Variants in CDH18 observed in about 807,000 individuals in gnomAD.
CDH18 encodes cadherin 18.
CDH18 carries 31 observed loss-of-function variants against 67.9 expected under a neutral mutation model. The ratio of observed to expected loss-of-function variants is 0.46; its 90% CI spans 0.34 to 0.62. The LOEUF (loss-of-function observed/expected upper bound fraction) is 0.62, where lower values mean the gene tolerates loss of function less well. Among genes scored for constraint, CDH18 ranks in the 20% least tolerant of loss-of-function variants. The pLI is 0.01. For missense variants in CDH18, 890 were observed against 975.5 expected (o/e 0.91, Z 1.17); for synonymous variants, 362 against 347.2 (o/e 1.04, Z -0.48).
chr5:20,458,534 C>G (rs1032011138), intron 1 of CDH18, among the ~76,000 whole-genome samples: 9 of 152,110 alleles, frequency 5.9e-5, no homozygotes, highest in African/African-American at 2.2e-4. Context: ...AGGAGAATTG[C>G]TTCAACCCAG....
chr5:20,221,280 G>A lies in CDH18; in HGVS notation c.-518+34164C>T, dbSNP rs185860804. Among the ~76,000 whole-genome samples, 61 of 152,138 alleles carry A rather than the reference G, an allele frequency of 4.0e-4. No individual in the cohort carries two copies. The East Asian group carries it at 9.3e-3, about 23-fold the overall frequency. Reference sequence around the variant, plus strand: ...ATACACAATGGAGCATTATTCAGCCGTAAAAATGAATGAGATCCTGTCATT... The same window carrying A: ...ATACACAATGGAGCATTATTCAGCCATAAAAATGAATGAGATCCTGTCATT... On this transcript the variant is annotated intron_variant, in intron 2 of 14. Coordinates refer to the CDH18 transcript ENST00000507958.
At chr5:20,105,052 G>A (rs917891887) in intron 2 of CDH18, among the ~76,000 whole-genome samples, 3 of 151,776 alleles carry the variant, frequency 2.0e-5, no homozygotes, top group Non-Finnish European at 4.4e-5. Context: ...GCAATGACAC[G>A]ATCTTGGCTC....
intron 4 of CDH18, among the ~76,000 whole-genome samples, chr5:19,733,682 C>T (rs893025969): frequency 6.6e-6 from 1 of 152,146 alleles, no homozygotes; most frequent in Admixed American, 6.5e-5. Flanking sequence ...CCAAGCCAGT[C>T]CCAGAGCCAT....
intron 4 of CDH18, among the ~76,000 whole-genome samples, chr5:19,732,974 G>A (rs1767817248): frequency 6.6e-6 from 1 of 152,092 alleles, no homozygotes; most frequent in African/African-American, 2.4e-5. Context: ...GGCCTCTGAG[G>A]GAAATCTGAG....
At chr5:19,827,764 C>G (rs1780555740) in intron 3 of CDH18, among the ~76,000 whole-genome samples, 1 of 152,102 alleles carries the variant, frequency 6.6e-6, no homozygotes, top group Non-Finnish European at 1.5e-5. Context: ...GTTTACAGTA[C>G]TAAGTGCCCA....
At chr5:20,336,870 A>G (rs1034007025) in intron 1 of CDH18, among the ~76,000 whole-genome samples, 1 of 152,182 alleles carries the variant, frequency 6.6e-6, no homozygotes, top group Non-Finnish European at 1.5e-5. Flanking sequence ...AAAGTCATTA[A>G]CATGACATTA....
At chr5:19,700,830 A>T (rs1015274952) in intron 5 of CDH18, among the ~76,000 whole-genome samples, 1 of 152,206 alleles carries the variant, frequency 6.6e-6, no homozygotes, top group Non-Finnish European at 1.5e-5. Flanking sequence ...TTTCTTTAAA[A>T]TCCATACTTG....
At chr5:19,572,561 A>C (rs890595637) in intron 7 of CDH18, among the ~76,000 whole-genome samples, 2 of 152,178 alleles carry the variant, frequency 1.3e-5, no homozygotes, top group African/African-American at 4.8e-5. Context: ...AGCCAACATC[A>C]ACGTTCCTTT....
intron 2 of CDH18, among the ~76,000 whole-genome samples, chr5:20,050,917 C>G (rs565065039): frequency 6.6e-6 from 1 of 151,770 alleles, no homozygotes; most frequent in East Asian, 1.9e-4. Context: ...TATTATTTGT[C>G]TTTTGCTCTC....
chr5:20,406,073 C>T (rs891553123), intron 1 of CDH18, among the ~76,000 whole-genome samples: 3 of 152,116 alleles, frequency 2.0e-5, no homozygotes, highest in African/African-American at 7.2e-5. Flanking sequence ...CCCAGCCATC[C>T]CATTACTGGG....
At chr5:20,229,963 C>T (rs572564316) in intron 2 of CDH18, among the ~76,000 whole-genome samples, 12 of 152,212 alleles carry the variant, frequency 7.9e-5, no homozygotes, top group African/African-American at 1.2e-4. Flanking sequence ...GCTCCGAATG[C>T]GAATACAGAC....
intron 3 of CDH18, among the ~76,000 whole-genome samples, chr5:19,779,151 G>C: frequency 6.6e-6 from 1 of 152,086 alleles, no homozygotes; most frequent in East Asian, 1.9e-4. Context: ...CTGAGACTAT[G>C]GAAAGATCAA....
intron 2 of CDH18, among the ~76,000 whole-genome samples, chr5:20,043,754 G>C (rs1740657307): frequency 6.6e-6 from 1 of 152,168 alleles, no homozygotes; most frequent in African/African-American, 2.4e-5. Context: ...ATGTGGGATA[G>C]TTCTAAAGGA....
chr5:19,832,181 G>T (rs755366531), intron 3 of CDH18, among the ~76,000 whole-genome samples: 1 of 152,036 alleles, frequency 6.6e-6, no homozygotes, highest in African/African-American at 2.4e-5. Context: ...TAATGGGTTT[G>T]ATCACACCCC....
intron 7 of CDH18, 123 bp from the exon 8 acceptor site, chr5:19,571,955 C>G: frequency 1.3e-6 from 1 of 752,846 alleles, no homozygotes; most frequent in Non-Finnish European, 2.1e-6. Flanking sequence ...AGAGATAAGT[C>G]ATTCTAGCTT....
intron 2 of CDH18, among the ~76,000 whole-genome samples, chr5:20,231,973 T>A (rs1170496630): frequency 6.6e-6 from 1 of 152,056 alleles, no homozygotes. Flanking sequence ...AAGAGTAAAA[T>A]TAATATACTA....
At chr5:20,376,641 G>A (rs1743470172) in intron 1 of CDH18, among the ~76,000 whole-genome samples, 1 of 151,586 alleles carries the variant, frequency 6.6e-6, no homozygotes, top group African/African-American at 2.4e-5. Context: ...CCCATGCCTT[G>A]ATGATGTTAG....
intron 2 of CDH18, among the ~76,000 whole-genome samples, chr5:20,167,465 T>C (rs1035335437): frequency 2.6e-5 from 4 of 151,756 alleles, no homozygotes. Context: ...TTAAAATGAA[T>C]AAATTAATGG....
chr5:19,612,027 T>C (rs572123041), intron 6 of CDH18, among the ~76,000 whole-genome samples: 8 of 150,600 alleles, frequency 5.3e-5, no homozygotes, highest in Non-Finnish European at 1.0e-4. Context: ...ATTCATAACA[T>C]GAAGAATTTT....
Sources: allele counts gnomAD v4.1 joint callset (sites outside exome capture counted in the v4.1 genomes callset), GRCh38; gene constraint gnomAD v4.1.1; transcripts MANE v1.5; gene names NCBI Gene and HGNC (gene_info 2026-07-23, HGNC 2026-07-21).